The following ZNF496 variants were observed in gnomAD, a reference collection of about 807,000 sequenced individuals.
The protein encoded by ZNF496 is NSD1 (nuclear receptor binding SET-domain containing 1)-interacting zinc finger protein 1.
ZNF496 carries 11 observed loss-of-function variants against 58.9 expected under a neutral mutation model. The observed-to-expected ratio is 0.19, with a 90% CI of 0.12 to 0.31. The LOEUF (loss-of-function observed/expected upper bound fraction) is 0.31, where lower values mean the gene tolerates loss of function less well. ZNF496 is among the 10% of genes least tolerant of loss of function. ZNF496 has a pLI of 1.00. For missense variants in ZNF496, 660 were observed against 783.0 expected (o/e 0.84, Z 1.88); for synonymous variants, 338 against 318.2 (o/e 1.06, Z -0.66).
chr1:247,323,013 T>C, intron 6 of ZNF496, 141 bp downstream of exon 6: 1 of 738,712 alleles, frequency 1.4e-6, no homozygotes, highest in Non-Finnish European at 2.2e-6. Context: ...AAGCTCACGC[T>C]CTGCCTATTT....
intron 9 of ZNF496, among the ~76,000 whole-genome samples, chr1:247,303,793 A>G (rs1041564996): frequency 6.6e-6 from 1 of 152,238 alleles, no homozygotes; most frequent in Admixed American, 6.5e-5. Flanking sequence ...AGATTTGGAA[A>G]ATTCTGTCTA....
intron 6 of ZNF496, chr1:247,312,203 CTTAGA>C (rs1468650673): frequency 6.6e-6 from 1 of 152,186 alleles, no homozygotes; most frequent in African/African-American, 2.4e-5. Context: ...CAAAACCTTG[CTTAGA>C]TATTTCTGCA....
In ZNF496 at chr1:247,309,399, G is replaced by A. The variant is rs1659520866; in HGVS notation, c.892+300C>T. 3 of 1,215,604 alleles carry A rather than the reference G, an allele frequency of 2.5e-6. No homozygotes were observed. Among genetic ancestry groups the A allele is most frequent in the Admixed American group, 3.9e-5 (1 of 25,440 alleles). 75.3% of individuals were successfully genotyped at this position (1,215,604 alleles called of 1,614,324 possible). A position where few individuals can be genotyped will look rare whatever the true frequency, so the allele number is the denominator to read the frequency against. ...ATGAGTATCTGACTTCACTCCTGGA[G>A]GGGCTGCTGCATTGTCAGCACAAAC... On this transcript the variant is annotated intron_variant, in intron 8 of 9. Transcript: ENST00000682384. This position sits in a 1 kb window ranked among gnomAD's most constrained non-coding sequence, Gnocchi z 4.3.
At position 247,329,118 on chromosome 1, in the gene ZNF496, A is replaced by G; in HGVS notation, c.390+71T>C. 1 of 1,600,000 alleles carries G rather than the reference A, an allele frequency of 6.3e-7. No homozygotes were observed. Among genetic ancestry groups the G allele is most frequent in the Non-Finnish European group, 8.5e-7 (1 of 1,170,098 alleles). ...TGGAACTCCTCATTCCCCAGCCAGC[A>G]CATGCATGGCCCAGCCAAAGTGTCT... On this transcript the variant is annotated intron_variant, in intron 4 of 9. Coordinates refer to ENST00000682384, the MANE Select transcript of ZNF496 (RefSeq NM_032752.3). This position sits in a 1 kb window ranked among gnomAD's most constrained non-coding sequence, Gnocchi z 5.5.
chr1:247,315,643 G>C (rs113002554), intron 6 of ZNF496, among the ~76,000 whole-genome samples: 6,028 of 152,192 alleles, frequency 0.04, 166 homozygotes, highest in Non-Finnish European at 0.057. Flanking sequence ...GGTGGGAGTG[G>C]GTAAGGAAGA....
At chr1:247,330,678 G>A (rs1053022204) in intron 2 of ZNF496, among the ~76,000 whole-genome samples, 4 of 152,220 alleles carry the variant, frequency 2.6e-5, no homozygotes, top group African/African-American at 9.6e-5. Flanking sequence ...GACACTCACA[G>A]TCCCCTTCTC....
intron 5 of ZNF496, among the ~76,000 whole-genome samples, chr1:247,324,078 T>TAAAA (rs1660042097): frequency 2.1e-5 from 1 of 47,004 alleles, no homozygotes. Flanking sequence ...CTGTCTCAAA[T>TAAAA]GAAAAAAAAA....
At chr1:247,315,066 T>TA (rs1434493205) in intron 6 of ZNF496, among the ~76,000 whole-genome samples, 1 of 148,530 alleles carries the variant, frequency 6.7e-6, no homozygotes, top group Non-Finnish European at 1.5e-5. Context: ...TAGTCTTTTT[T>TA]TTTTTTTTTT....
In ZNF496 at chr1:247,317,570, G is replaced by GCC. The variant is rs74163749; in HGVS notation, c.651+5582_651+5583dup. Among the ~76,000 whole-genome samples the GCC allele has an allele frequency of 4.2e-4, 63 of 150,482 alleles. 1 individual carries two copies. Among genetic ancestry groups the GCC allele is most frequent in the African/African-American group, 1.4e-3 (56 of 40,368 alleles). On this transcript the variant is annotated intron_variant, in intron 6 of 9. Coordinates refer to ENST00000682384, the MANE Select transcript of ZNF496 (RefSeq NM_032752.3). ...CTCCATCCCTGCTAGCTAAGAACAA[G>GCC]CCCCCCCCCCGCCACCAGTGGAGAC...
At chr1:247,314,648 A>C (rs1659713089) in intron 6 of ZNF496, among the ~76,000 whole-genome samples, 2 of 152,212 alleles carry the variant, frequency 1.3e-5, no homozygotes, top group Non-Finnish European at 2.9e-5. Context: ...CATGCTTTGC[A>C]TCTGCCTACC....
chr1:247,310,490 C>A (rs141847898), intron 6 of ZNF496, 34 bp from the exon 7 acceptor site: 9 of 1,612,676 alleles, frequency 5.6e-6, no homozygotes, highest in Non-Finnish European at 7.6e-6. Context: ...TGCCTCAGTC[C>A]GGGACGAGCT....
At chr1:247,305,718 C>G (rs1659385694) in intron 9 of ZNF496, among the ~76,000 whole-genome samples, 1 of 152,144 alleles carries the variant, frequency 6.6e-6, no homozygotes, top group South Asian at 2.1e-4. Context: ...AATGGGGAAG[C>G]TTTCTCAAGC....
chr1:247,320,852 CAT>C (rs1487996902), intron 6 of ZNF496, among the ~76,000 whole-genome samples: 1 of 152,180 alleles, frequency 6.6e-6, no homozygotes, highest in Non-Finnish European at 1.5e-5. Flanking sequence ...TATATACACA[CAT>C]GGGAGTATTA....
chr1:247,327,821 C>T (rs1287877038), intron 5 of ZNF496, among the ~76,000 whole-genome samples: 1 of 86,318 alleles, frequency 1.2e-5, no homozygotes. Context: ...CCCCCTGGCC[C>T]CCCAGACACT....
In ZNF496 at chr1:247,309,575, A is replaced by G. The variant is rs1659525653; in HGVS notation, c.892+124T>C. 3.4e-6 allele frequency: 5 copies of G among 1,469,590 alleles called. No individual in the cohort carries two copies. Among genetic ancestry groups the G allele is most frequent in the Middle Eastern group, 2.0e-4 (1 of 5,086 alleles). The allele number at this position is 1,469,590 out of a possible 1,614,324, so 91.0% of individuals were successfully genotyped here. A position where few individuals can be genotyped will look rare whatever the true frequency, so the allele number is the denominator to read the frequency against. ...AAGGCAAGACATGCAAGACCCACAT[A>G]GAGTCTGGGGAAATGAAGAAGGCAA... On this transcript the variant is annotated intron_variant, in intron 8 of 9. Coordinates refer to ENST00000682384, the MANE Select transcript of ZNF496 (RefSeq NM_032752.3). The surrounding 1 kb of genome is among the most constrained non-coding windows in gnomAD (Gnocchi z 4.3).
Position 247,314,564 on chromosome 1 carries a change from AAAGT to A in ZNF496, c.652-4112_652-4109del, listed in dbSNP as rs564401004. Among the ~76,000 whole-genome samples the A allele has an allele frequency of 1.1e-4, 16 of 152,052 alleles. No individual in the cohort carries two copies. The South Asian group carries it at 2.5e-3, about 24-fold the overall frequency. Reference sequence around the variant, plus strand: ...AAATAAAATTTTTGTGGAAAAAAGAAAAGTAACTCAAAGGACTTTTATATTACTA... The same window carrying A: ...AAATAAAATTTTTGTGGAAAAAAGAAAACTCAAAGGACTTTTATATTACTA... On this transcript the variant is annotated intron_variant, in intron 6 of 9. Transcript: ENST00000682384.
At chr1:247,322,842 C>T in intron 6 of ZNF496, 1 of 1,271,658 alleles carries the variant, frequency 7.9e-7, no homozygotes, top group Non-Finnish European at 1.0e-6. Flanking sequence ...TCCTTTTTCA[C>T]AAGAGGGGAA....
At chr1:247,327,526 A>C (rs1327896556) in intron 5 of ZNF496, among the ~76,000 whole-genome samples, 2 of 152,228 alleles carry the variant, frequency 1.3e-5, no homozygotes, top group African/African-American at 2.4e-5. Context: ...CTGTTACATA[A>C]GGCATCCAGT....
chr1:247,327,880 A>G (rs540085724), intron 5 of ZNF496, among the ~76,000 whole-genome samples: 85 of 152,098 alleles, frequency 5.6e-4, no homozygotes, highest in African/African-American at 1.8e-3. Flanking sequence ...ACCCAGAGGA[A>G]CCCACGGGCC....
Sources: allele counts gnomAD v4.1 joint callset (sites outside exome capture counted in the v4.1 genomes callset), GRCh38; gene constraint gnomAD v4.1.1; non-coding constraint Gnocchi (gnomAD v3.1); transcripts MANE v1.5; gene names NCBI Gene and HGNC (gene_info 2026-07-23, HGNC 2026-07-21).